GUCY2C: variants seen among roughly 807,000 people sequenced by gnomAD.
The protein encoded by GUCY2C is guanylyl cyclase C.
In GUCY2C, 118 loss-of-function variants were observed where a neutral mutation model predicts 131.1. That is an observed-to-expected ratio of 0.90 (90% CI 0.78 to 1.05). The LOEUF is 1.05. Among genes scored for constraint, GUCY2C ranks in the 50% least tolerant of loss-of-function variants. The pLI is 0.00. For synonymous variants in GUCY2C, 452 were observed against 457.8 expected, an observed-to-expected ratio of 0.99 and a Z score of 0.16; for missense variants, 1,161 against 1,304.4, an observed-to-expected ratio of 0.89 and a Z score of 1.69.
chr12:14,627,797 T>G (rs961864058), intron 20 of GUCY2C, among the ~76,000 whole-genome samples: 10 of 152,320 alleles, frequency 6.6e-5, no homozygotes, highest in Middle Eastern at 6.8e-3. Flanking sequence ...GAATTAATTA[T>G]TATTTCCTGC....
At chr12:14,691,221 G>A (rs996232389) in intron 1 of GUCY2C, among the ~76,000 whole-genome samples, 26 of 152,214 alleles carry the variant, frequency 1.7e-4, no homozygotes, top group Admixed American at 1.6e-3. Flanking sequence ...CTGATTGAGA[G>A]ATGTCAGTAC....
Position 14,626,111 on chromosome 12 carries a change from G to A in GUCY2C, c.2250-196C>T, listed in dbSNP as rs141576912. ...TCCCAGAACTTTGGGAGTCCGAGGC[G>A]GGAGGATCACTTGAGGTCAGGAGTT... is the stretch of plus-strand genomic sequence containing the variant. On this transcript the variant is annotated intron_variant, in intron 20 of 26. Coordinates refer to ENST00000261170, the MANE Select transcript of GUCY2C (RefSeq NM_004963.4). 7.6e-3 allele frequency among the ~76,000 whole-genome samples: 1,157 copies of A among 152,256 alleles called. 21 individuals are homozygous for A. The highest frequency in any genetic ancestry group is 0.026 in the African/African-American group (1,073 of 41,556).
intron 11 of GUCY2C, among the ~76,000 whole-genome samples, chr12:14,659,568 G>A (rs1478329676): frequency 1.3e-5 from 2 of 152,070 alleles, no homozygotes; most frequent in Admixed American, 6.6e-5. Flanking sequence ...TTCCATCTAA[G>A]TCTGAGTATT....
chr12:14,625,721 G>A, intron 21 of GUCY2C, 36 bp downstream of exon 21: 1 of 1,602,654 alleles, frequency 6.2e-7, no homozygotes, highest in Non-Finnish European at 8.5e-7. Flanking sequence ...AATGCTAGAG[G>A]GATTTCAGCC....
At position 14,676,958 on chromosome 12, in the gene GUCY2C, C is replaced by T. The variant is rs1244150552; in HGVS notation, c.844G>A (p.Glu282Lys). 9.7e-6 allele frequency: 14 copies of T among 1,450,412 alleles called. No homozygotes were observed. The highest frequency in any genetic ancestry group is 1.2e-5 in the Non-Finnish European group (13 of 1,047,858). The allele number at this position is 1,450,412 out of a possible 1,614,324, so 89.8% of individuals were successfully genotyped here. The change falls in exon 7 of 27, where the codon GAG (glutamate) becomes AAG (lysine). Residue 282 changes from glutamate to lysine, a missense_variant. Transcript: ENST00000261170. ...TAGTCAGGGGCTGTGACATTGTCCT[C>T]AAAGTACTGGTCACTGTAATAAAAA... ...LVDLFNDQYF[E>K]DNVTAPDYMK...
chr12:14,622,040 A>C lies in GUCY2C; in HGVS notation c.2566T>G (p.Phe856Val). 6.2e-7 allele frequency: 1 copy of C among 1,607,922 alleles called. No homozygotes were observed. The part of the protein sequence containing the change: ...VDMLNDIYKS[F>V]DHIVDHHDVY... ...TCATGATGATCAACAATGTGGTCAAAACTCTTATAGATGTCATTAAGCATG... is the reference window on the plus strand; with the variant it reads ...TCATGATGATCAACAATGTGGTCAACACTCTTATAGATGTCATTAAGCATG... Residue 856 changes from phenylalanine to valine, a missense_variant, in exon 22 of 27, where the codon TTT becomes GTT. Phe to Val is a conservative substitution (Grantham distance 50). Coordinates refer to ENST00000261170, the MANE Select transcript of GUCY2C (RefSeq NM_004963.4).
At chr12:14,640,542 C>T (rs772774984) in intron 18 of GUCY2C, among the ~76,000 whole-genome samples, 6 of 151,872 alleles carry the variant, frequency 4.0e-5, no homozygotes, top group Non-Finnish European at 8.8e-5. Context: ...GCTCAGGCAC[C>T]ACTGCCTTCA....
chr12:14,621,702 C>CA (rs1235949772), intron 22 of GUCY2C, among the ~76,000 whole-genome samples: 3 of 152,308 alleles, frequency 2.0e-5, no homozygotes, highest in African/African-American at 7.2e-5. Context: ...TCAGCCTAAA[C>CA]ACTGCCCATT....
At chr12:14,626,412 C>T (rs116679411) in intron 20 of GUCY2C, among the ~76,000 whole-genome samples, 1,545 of 152,152 alleles carry the variant, frequency 0.01, 38 homozygotes, top group African/African-American at 0.036. Context: ...TGGTAATCAA[C>T]GTAGGAGAAG....
chr12:14,690,874 G>T (rs558557573), intron 1 of GUCY2C, among the ~76,000 whole-genome samples: 1 of 152,260 alleles, frequency 6.6e-6, no homozygotes, highest in South Asian at 2.1e-4. Flanking sequence ...AAGTCTAGAG[G>T]GAGTCTGGAA....
At chr12:14,657,479 G>A (rs1191818537) in intron 11 of GUCY2C, among the ~76,000 whole-genome samples, 1 of 151,682 alleles carries the variant, frequency 6.6e-6, no homozygotes, top group Non-Finnish European at 1.5e-5. Context: ...TCCCCAGATA[G>A]TGTAGGTTGG....
In GUCY2C at chr12:14,696,294, T is replaced by G. The variant is rs746492221; in HGVS notation, c.155A>C (p.Lys52Thr). 1.2e-6 allele frequency: 2 copies of G among 1,614,180 alleles called. No homozygotes were observed. Among genetic ancestry groups the G allele is most frequent in the South Asian group, 2.2e-5 (2 of 91,080 alleles). ...MGNSAFAEPL[K>T]NLEDAVNEGL... ...CTCATTCACCGCATCTTCCAAGTTT[T>G]TCAGGGGCTCTGCAAAGGCTGAGTT... Residue 52 changes from lysine (K) to threonine (T), a missense_variant, in exon 1 of 27, where the codon AAA becomes ACA. Lys to Thr is a moderately conservative substitution (Grantham distance 78, BLOSUM62 -1). Transcript: ENST00000261170.
At chr12:14,616,590 G>A (rs751390312) in intron 25 of GUCY2C, 43 bp downstream of exon 25, 1 of 1,103,238 alleles carries the variant, frequency 9.1e-7, no homozygotes, top group Non-Finnish European at 1.4e-6. Flanking sequence ...GCCCAAGCGT[G>A]TCTGAGAGCT....
Position 14,683,216 on chromosome 12 carries a change from C to G in GUCY2C, c.437G>C (p.Ser146Thr). 1 of 1,613,718 alleles carries G rather than the reference C, an allele frequency of 6.2e-7. No homozygotes were observed. Reference protein sequence around the residue: ...ELSYPMISAGSFGLSCDYKET... With the variant: ...ELSYPMISAGTFGLSCDYKET... ...TTTATAGTCACATGACAATCCAAAACTTCCAGCTGAGATCATGGGGTAGCT... is the reference window on the plus strand; with the variant it reads ...TTTATAGTCACATGACAATCCAAAAGTTCCAGCTGAGATCATGGGGTAGCT... The change falls in exon 4 of 27, where the codon AGT (serine) becomes ACT (threonine). Residue 146 changes from serine to threonine, a missense_variant. By Grantham distance (58) the Ser-to-Thr change is moderately conservative. Transcript: ENST00000261170.
chr12:14,652,897 T>G (rs535202861), intron 13 of GUCY2C, 55 bp downstream of exon 13: 8 of 1,177,434 alleles, frequency 6.8e-6, no homozygotes, highest in Non-Finnish European at 1.0e-5. Context: ...CAATGAGGGG[T>G]CAAAAGGCCC....
intron 1 of GUCY2C, among the ~76,000 whole-genome samples, chr12:14,689,029 G>C (rs1948529132): frequency 6.6e-6 from 1 of 152,172 alleles, no homozygotes; most frequent in Non-Finnish European, 1.5e-5. Flanking sequence ...GCAGAGAAAT[G>C]ATATTGTCTG....
chr12:14,691,432 C>T (rs763504905), intron 1 of GUCY2C, among the ~76,000 whole-genome samples: 109 of 152,122 alleles, frequency 7.2e-4, no homozygotes, highest in Non-Finnish European at 1.5e-3. Context: ...AATTTGAAAC[C>T]AGGAGAACAG....
At chr12:14,668,405 G>A (rs765473705) in intron 10 of GUCY2C, among the ~76,000 whole-genome samples, 13 of 152,036 alleles carry the variant, frequency 8.6e-5, no homozygotes, top group Admixed American at 2.0e-4. Flanking sequence ...TGCTGACCTC[G>A]TTATCCACCC....
At chr12:14,634,166 C>G (rs1947212637) in intron 19 of GUCY2C, among the ~76,000 whole-genome samples, 1 of 152,032 alleles carries the variant, frequency 6.6e-6, no homozygotes, top group Non-Finnish European at 1.5e-5. Context: ...TAAGGAAACC[C>G]CCATCAGATT....
Sources: gnomAD v4.1 joint callset for allele counts (sites outside exome capture counted in the v4.1 genomes callset) on GRCh38, gnomAD v4.1.1 for gene constraint, MANE v1.5 for transcripts, NCBI Gene and HGNC (gene_info 2026-07-23, HGNC 2026-07-21) for gene names.